MICOS10: variants seen among roughly 807,000 people sequenced by gnomAD.
MICOS10 encodes the protein MICOS complex subunit MIC10.
Under a neutral mutation model 13.4 loss-of-function variants are expected in MICOS10, and 5 were observed. The ratio of observed to expected loss-of-function variants is 0.37; its 90% CI spans 0.20 to 0.78. MICOS10 has a LOEUF of 0.78. Among genes scored for constraint, MICOS10 ranks in the 30% least tolerant of loss-of-function variants. MICOS10 has a pLI of 0.47. For missense variants in MICOS10, 101 were observed against 94.6 expected, an observed-to-expected ratio of 1.07 and a Z score of -0.28; for synonymous variants, 35 against 33.6, an observed-to-expected ratio of 1.04 and a Z score of -0.15.
Position 19,597,036 on chromosome 1 carries a change from G to A in MICOS10, c.-10G>A, listed in dbSNP as rs929758098. ...GGCCGAGAGGAAAGCTGGAGGCGCG[G>A]GTGGGGAACATGTCTGAGTCGGAGC... On this transcript the variant is annotated 5_prime_UTR_variant, in exon 1 of 4. Coordinates refer to ENST00000322753, the MANE Select transcript of MICOS10 (RefSeq NM_001032363.4). 1.0e-5 allele frequency: 16 copies of A among 1,583,286 alleles called. No individual in the cohort carries two copies. Among genetic ancestry groups the A allele is most frequent in the Non-Finnish European group, 1.3e-5 (15 of 1,167,972 alleles).
intron 1 of MICOS10, among the ~76,000 whole-genome samples, chr1:19,612,979 G>A (rs771503325): frequency 3.3e-5 from 5 of 152,126 alleles, no homozygotes; most frequent in Non-Finnish European, 7.3e-5. Flanking sequence ...ATGAATTGTC[G>A]TTAAGTGTGG....
chr1:19,599,440 A>T (rs12747334), intron 1 of MICOS10, among the ~76,000 whole-genome samples: 38,498 of 152,080 alleles, frequency 0.25, 5,833 homozygotes, highest in Non-Finnish European at 0.33. Flanking sequence ...CATGCGTAGA[A>T]CGTTGATAGG....
chr1:19,615,740 C>T (rs970959047), intron 1 of MICOS10, among the ~76,000 whole-genome samples: 2 of 151,196 alleles, frequency 1.3e-5, no homozygotes, highest in South Asian at 4.2e-4. Flanking sequence ...TATGCCACCA[C>T]ACCCTGCTGA....
chr1:19,622,596 C>G (rs751583120), intron 2 of MICOS10, among the ~76,000 whole-genome samples: 1 of 152,172 alleles, frequency 6.6e-6, no homozygotes, highest in Non-Finnish European at 1.5e-5. Context: ...TCTTTTCATT[C>G]TGTGGAAGAA....
rs533840638 is a variant in MICOS10, at chr1:19,628,680, CAAAAAAAAAAA to C, written c.*2290_*2300del. 1.6e-5 allele frequency: 1 copy of C among 63,296 alleles called. No homozygotes were observed. Among genetic ancestry groups the C allele is most frequent in the African/African-American group, 5.4e-5 (1 of 18,592 alleles). 3.9% of individuals were successfully genotyped at this position (63,296 alleles called of 1,614,324 possible). ...CCGGCGACAGAGCGAGAATCTGTCT[CAAAAAAAAAAA>C]AAAAAAAAAAGCATTTTCCTTCCCC... On this transcript the variant is annotated 3_prime_UTR_variant, in exon 4 of 4. Coordinates refer to ENST00000322753, the MANE Select transcript of MICOS10 (RefSeq NM_001032363.4).
intron 1 of MICOS10, among the ~76,000 whole-genome samples, chr1:19,616,418 T>G (rs2094884786): frequency 6.6e-6 from 1 of 152,184 alleles, no homozygotes. Context: ...AATACCCTTT[T>G]CAGCAGTTTA....
chr1:19,616,566 A>G (rs1313269288), intron 1 of MICOS10, among the ~76,000 whole-genome samples: 1 of 152,226 alleles, frequency 6.6e-6, no homozygotes, highest in Non-Finnish European at 1.5e-5. Flanking sequence ...CTGTAAGTCA[A>G]ACATCTATGG....
chr1:19,606,751 A>G (rs1037077771), intron 1 of MICOS10, among the ~76,000 whole-genome samples: 1 of 149,524 alleles, frequency 6.7e-6, no homozygotes, highest in Non-Finnish European at 1.5e-5. Context: ...TCTGTCTCCA[A>G]AAAAAAAAAG....
intron 1 of MICOS10, chr1:19,601,217 A>G (rs897788001): frequency 5.7e-6 from 2 of 349,586 alleles, no homozygotes; most frequent in Non-Finnish European, 1.1e-5. Context: ...GAAAATTATC[A>G]TATGATTTTG....
intron 1 of MICOS10, among the ~76,000 whole-genome samples, chr1:19,612,103 C>T (rs1399898517): frequency 2.0e-5 from 3 of 151,154 alleles, no homozygotes; most frequent in Admixed American, 1.3e-4. Context: ...AGTGCAGTGG[C>T]GCGATCTCCA....
chr1:19,616,633 T>C (rs2094885478), intron 1 of MICOS10, among the ~76,000 whole-genome samples: 1 of 152,198 alleles, frequency 6.6e-6, no homozygotes. Flanking sequence ...CCATGGATAG[T>C]GTTAAAATCC....
chr1:19,612,696 C>T (rs1219465956), intron 1 of MICOS10, among the ~76,000 whole-genome samples: 1 of 152,170 alleles, frequency 6.6e-6, no homozygotes, highest in Non-Finnish European at 1.5e-5. Context: ...GCACTCCAGC[C>T]TGGGCCACAC....
chr1:19,605,625 A>G (rs1023105227), intron 1 of MICOS10, among the ~76,000 whole-genome samples: 7 of 152,138 alleles, frequency 4.6e-5, no homozygotes, highest in Admixed American at 2.0e-4. Context: ...TGTGTGGTGT[A>G]TTTGTACTAC....
Position 19,598,530 on chromosome 1 carries a change from A to G in MICOS10, c.64+1421A>G, listed in dbSNP as rs150806028. 1.5e-3 allele frequency among the ~76,000 whole-genome samples: 227 copies of G among 152,132 alleles called. 1 individual carries two copies. The highest frequency in any genetic ancestry group is 5.3e-3 in the African/African-American group (220 of 41,504). Reference sequence around the variant, plus strand: ...AGTGGCTCAGGCCTGTAATCCCAGCACTTTGGGAGGCCGAGGCGGGAGGAT... The same window carrying G: ...AGTGGCTCAGGCCTGTAATCCCAGCGCTTTGGGAGGCCGAGGCGGGAGGAT... On this transcript the variant is annotated intron_variant, in intron 1 of 3. Transcript: ENST00000322753.
At position 19,628,906 on chromosome 1, in the gene MICOS10, G is replaced by A. The variant is rs2792057; in HGVS notation, c.*2505G>A. On this transcript the variant is annotated 3_prime_UTR_variant, in exon 4 of 4. Coordinates refer to ENST00000322753, the MANE Select transcript of MICOS10 (RefSeq NM_001032363.4). ...TAGGCTTTAGGCATTTATTTGGATG[G>A]ATCCCTTTGGCACCTTGGAAGCACC... 15,107 of 152,230 alleles carry A rather than the reference G, an allele frequency of 0.099. 2,524 individuals are homozygous for A. Among genetic ancestry groups the A allele is most frequent in the African/African-American group, 0.34 (14,286 of 41,480 alleles). 9.4% of individuals were successfully genotyped at this position (152,230 alleles called of 1,614,324 possible).
chr1:19,606,712 C>G (rs573472541), intron 1 of MICOS10, among the ~76,000 whole-genome samples: 103 of 151,782 alleles, frequency 6.8e-4, no homozygotes, highest in African/African-American at 2.4e-3. Context: ...GGCCATTGCA[C>G]TCCAACCTGG....
chr1:19,614,317 C>T (rs1265822405), intron 1 of MICOS10, among the ~76,000 whole-genome samples: 4 of 150,574 alleles, frequency 2.7e-5, no homozygotes, highest in African/African-American at 7.3e-5. Context: ...CCCCATTCAC[C>T]TCCCTTATAA....
At chr1:19,612,712 C>A (rs753367921) in intron 1 of MICOS10, among the ~76,000 whole-genome samples, 1 of 152,060 alleles carries the variant, frequency 6.6e-6, no homozygotes, top group African/African-American at 2.4e-5. Context: ...CACACAGTGC[C>A]GCTGTACTAT....
intron 1 of MICOS10, 133 bp downstream of exon 1, chr1:19,597,242 G>T (rs2094795451): frequency 1.0e-6 from 1 of 960,298 alleles, no homozygotes; most frequent in Non-Finnish European, 1.5e-6. Flanking sequence ...CTCCGGCCAG[G>T]GCGAGCCGCC....
Sources: gnomAD v4.1 joint callset for allele counts (sites outside exome capture counted in the v4.1 genomes callset) on GRCh38, gnomAD v4.1.1 for gene constraint, MANE v1.5 for transcripts, NCBI Gene and HGNC (gene_info 2026-07-23, HGNC 2026-07-21) for gene names.